DIAPH3: variants seen among roughly 807,000 people sequenced by gnomAD.
DIAPH3 encodes the protein protein diaphanous homolog 3.
Under a neutral mutation model 144.3 loss-of-function variants are expected in DIAPH3, and 117 were observed. The ratio of observed to expected loss-of-function variants is 0.81; its 90% CI spans 0.70 to 0.95. The LOEUF (loss-of-function observed/expected upper bound fraction) is 0.95. Among genes scored for constraint, DIAPH3 ranks in the 40% least tolerant of loss-of-function variants. The pLI, the probability that DIAPH3 is intolerant of heterozygous loss-of-function variation, is 0.00. For missense variants in DIAPH3, 1,421 were observed against 1,412.7 expected, an observed-to-expected ratio of 1.01 and a Z score of -0.09; for synonymous variants, 519 against 488.9, an observed-to-expected ratio of 1.06 and a Z score of -0.81.
intron 4 of DIAPH3, among the ~76,000 whole-genome samples, chr13:60,045,147 GC>G: frequency 1.3e-5 from 2 of 152,084 alleles, no homozygotes; most frequent in Non-Finnish European, 2.9e-5. Flanking sequence ...TTCGAGACCA[GC>G]GTGACCAACA....
chr13:60,093,776 A>G (rs1443593558), intron 3 of DIAPH3, 44 bp from the exon 4 acceptor site: 8 of 1,289,228 alleles, frequency 6.2e-6, no homozygotes, highest in Non-Finnish European at 9.0e-6. Context: ...ATCTAAGTAG[A>G]GCAGCAATTC....
intron 25 of DIAPH3, among the ~76,000 whole-genome samples, chr13:59,779,813 C>T (rs1028174350): frequency 4.6e-5 from 7 of 151,870 alleles, no homozygotes; most frequent in South Asian, 2.1e-4. Context: ...CGCGCACGGC[C>T]GAGGGAAGTC....
chr13:60,028,619 A>C (rs947101187), intron 5 of DIAPH3, among the ~76,000 whole-genome samples: 7 of 152,016 alleles, frequency 4.6e-5, no homozygotes, highest in African/African-American at 1.7e-4. Flanking sequence ...TTCTCCATAC[A>C]ACCTGCCCAC....
intron 22 of DIAPH3, among the ~76,000 whole-genome samples, chr13:59,844,801 T>G (rs1026059725): frequency 5.3e-5 from 8 of 152,144 alleles, no homozygotes; most frequent in Admixed American, 2.0e-4. Flanking sequence ...ACTTCAGACA[T>G]CATGTGTCTC....
intron 3 of DIAPH3, among the ~76,000 whole-genome samples, chr13:60,100,839 G>A (rs79736837): frequency 2.0e-5 from 3 of 151,796 alleles, no homozygotes; most frequent in East Asian, 1.9e-4. Flanking sequence ...TAGAATATTC[G>A]GCTATAGTAA....
intron 1 of DIAPH3, among the ~76,000 whole-genome samples, chr13:60,138,782 GAAGGGGAAGA>G (rs1566815372): frequency 2.8e-4 from 16 of 56,160 alleles, no homozygotes; most frequent in South Asian, 6.7e-4. Context: ...AGAAGGAGAA[GAAGGGGAAGA>G]GGGAAGAGGG....
At chr13:59,728,816 A>G (rs1225040381) in intron 27 of DIAPH3, among the ~76,000 whole-genome samples, 1 of 152,160 alleles carries the variant, frequency 6.6e-6, no homozygotes, top group Non-Finnish European at 1.5e-5. Flanking sequence ...ATTTTTCTCT[A>G]TGTATGGAAG....
At chr13:59,832,963 G>C (rs988753878) in intron 24 of DIAPH3, 144 bp downstream of exon 24, 6 of 721,832 alleles carry the variant, frequency 8.3e-6, no homozygotes, top group Non-Finnish European at 1.2e-5. Flanking sequence ...TTTTTCAATA[G>C]ATTTTTAAAT....
At chr13:60,077,132 T>C (rs2057405427) in intron 4 of DIAPH3, among the ~76,000 whole-genome samples, 1 of 152,124 alleles carries the variant, frequency 6.6e-6, no homozygotes, top group Admixed American at 6.6e-5. Context: ...TGTTACTTGA[T>C]TACTAAACAA....
At chr13:60,096,917 C>A (rs964228032) in intron 3 of DIAPH3, among the ~76,000 whole-genome samples, 1 of 152,158 alleles carries the variant, frequency 6.6e-6, no homozygotes, top group Non-Finnish European at 1.5e-5. Context: ...CTCCAGCTTG[C>A]AGATAGCATA....
At chr13:60,026,065 AT>A (rs764338668) in intron 5 of DIAPH3, among the ~76,000 whole-genome samples, 11 of 152,268 alleles carry the variant, frequency 7.2e-5, no homozygotes, top group Non-Finnish European at 1.5e-5. Flanking sequence ...CATATAAGAA[AT>A]GTATGTACAT....
chr13:60,138,765 G>A (rs1425068634), intron 1 of DIAPH3, among the ~76,000 whole-genome samples: 1 of 146,018 alleles, frequency 6.8e-6, no homozygotes, highest in Non-Finnish European at 1.5e-5. Flanking sequence ...GAAGGAGAAG[G>A]AGAAGGAGAA....
intron 20 of DIAPH3, among the ~76,000 whole-genome samples, chr13:59,880,349 C>A (rs1044033260): frequency 5.9e-5 from 9 of 151,958 alleles, no homozygotes; most frequent in African/African-American, 2.2e-4. Context: ...ACTGAAGGGG[C>A]GGTAATAGTA....
chr13:60,102,111 A>T (rs1002501108), intron 3 of DIAPH3, among the ~76,000 whole-genome samples: 1 of 151,890 alleles, frequency 6.6e-6, no homozygotes, highest in Non-Finnish European at 1.5e-5. Context: ...GCACACTACT[A>T]TCTTTCCCTA....
At chr13:60,128,020 A>G (rs2059033465) in intron 2 of DIAPH3, among the ~76,000 whole-genome samples, 1 of 152,134 alleles carries the variant, frequency 6.6e-6, no homozygotes, top group South Asian at 2.1e-4. Flanking sequence ...TCCTAGTACT[A>G]GTACTTAATA....
chr13:59,669,468 C>A (rs1433194655), intron 27 of DIAPH3, among the ~76,000 whole-genome samples: 1 of 152,158 alleles, frequency 6.6e-6, no homozygotes, highest in African/African-American at 2.4e-5. Flanking sequence ...CCTTCCCCAA[C>A]ACCTATTATC....
chr13:59,771,023 A>G (rs923244233), intron 27 of DIAPH3, among the ~76,000 whole-genome samples: 6 of 152,172 alleles, frequency 3.9e-5, no homozygotes, highest in African/African-American at 1.4e-4. Flanking sequence ...AATTCAGTGC[A>G]TGAGATGTCT....
intron 3 of DIAPH3, among the ~76,000 whole-genome samples, chr13:60,111,599 G>C (rs2058569016): frequency 1.3e-5 from 2 of 152,122 alleles, no homozygotes; most frequent in African/African-American, 4.8e-5. Flanking sequence ...CGCTTCTTAT[G>C]AGCATCTAAC....
At chr13:59,883,305 C>T (rs1446775776) in intron 20 of DIAPH3, among the ~76,000 whole-genome samples, 1 of 152,118 alleles carries the variant, frequency 6.6e-6, no homozygotes, top group African/African-American at 2.4e-5. Context: ...GGAAAAAAAT[C>T]ATTTTTTACA....
Sources: gnomAD v4.1 joint callset for allele counts (sites outside exome capture counted in the v4.1 genomes callset) on GRCh38, gnomAD v4.1.1 for gene constraint, MANE v1.5 for transcripts, NCBI Gene and HGNC (gene_info 2026-07-23, HGNC 2026-07-21) for gene names.